The following RASAL2 variants were observed in gnomAD, a reference collection of about 807,000 sequenced individuals.
RASAL2 encodes the protein ras GTPase-activating protein nGAP.
RASAL2 carries 58 observed loss-of-function variants against 128.9 expected under a neutral mutation model. That is an observed-to-expected ratio of 0.45 (90% CI 0.36 to 0.56). RASAL2 has a LOEUF of 0.56. Among genes scored for constraint, RASAL2 ranks in the 20% least tolerant of loss-of-function variants. The probability of loss-of-function intolerance (pLI) is 0.00; values close to 1 mark genes in which losing one functional copy is unlikely to be tolerated. For synonymous variants in RASAL2, 561 were observed against 580.8 expected (o/e 0.97, Z 0.49); for missense variants, 1,360 against 1,601.6 (o/e 0.85, Z 2.57).
intron 1 of RASAL2, among the ~76,000 whole-genome samples, chr1:178,118,143 G>GT (rs1419578047): frequency 6.6e-6 from 1 of 150,432 alleles, no homozygotes; most frequent in Non-Finnish European, 1.5e-5. Flanking sequence ...AGCCTGAGCA[G>GT]TAAGAACGAG....
chr1:178,314,205 A>T (rs930846710), intron 3 of RASAL2, among the ~76,000 whole-genome samples: 5 of 152,240 alleles, frequency 3.3e-5, no homozygotes, highest in Admixed American at 6.5e-5. Flanking sequence ...TCACGTGAGA[A>T]GATCCAAAAG....
At chr1:178,399,116 G>A (rs1230708751) in intron 4 of RASAL2, among the ~76,000 whole-genome samples, 3 of 152,180 alleles carry the variant, frequency 2.0e-5, no homozygotes, top group Admixed American at 2.0e-4. Flanking sequence ...ACCTCCTGCT[G>A]CCTCCCTGGA....
intron 1 of RASAL2, among the ~76,000 whole-genome samples, chr1:178,276,149 T>C (rs1294388548): frequency 6.6e-6 from 1 of 152,182 alleles, no homozygotes; most frequent in East Asian, 1.9e-4. Flanking sequence ...TGAACTATAA[T>C]ATAATTTGCC....
chr1:178,412,844 C>T (rs140666793), intron 4 of RASAL2, among the ~76,000 whole-genome samples: 204 of 152,172 alleles, frequency 1.3e-3, no homozygotes, highest in African/African-American at 4.7e-3. Flanking sequence ...AAAATTTTAC[C>T]TCCTAGAGTC....
intron 3 of RASAL2, among the ~76,000 whole-genome samples, chr1:178,310,222 A>G (rs1668176970): frequency 6.6e-6 from 1 of 152,220 alleles, no homozygotes; most frequent in Non-Finnish European, 1.5e-5. Flanking sequence ...TGCATAAGGA[A>G]ACACAGATTT....
At chr1:178,288,736 C>T (rs1190709425) in intron 2 of RASAL2, among the ~76,000 whole-genome samples, 2 of 149,266 alleles carry the variant, frequency 1.3e-5, no homozygotes, top group Admixed American at 1.3e-4. Flanking sequence ...CTGCAATCTC[C>T]GCCTCCTGGG....
At chr1:178,096,497 A>AG (rs1658691360) in intron 1 of RASAL2, among the ~76,000 whole-genome samples, 1 of 151,676 alleles carries the variant, frequency 6.6e-6, no homozygotes, top group African/African-American at 2.4e-5. Context: ...TAAGAGAGAG[A>AG]GAGAGTGAGA....
chr1:178,273,527 A>T (rs1285604005), intron 1 of RASAL2, among the ~76,000 whole-genome samples: 1 of 152,246 alleles, frequency 6.6e-6, no homozygotes, highest in Non-Finnish European at 1.5e-5. Context: ...CCAAATGTTA[A>T]ACAATTTTGT....
In RASAL2 at chr1:178,310,775, A is replaced by G. The variant is rs537874268; in HGVS notation, c.457+10657A>G. 4.6e-5 allele frequency among the ~76,000 whole-genome samples: 7 copies of G among 152,282 alleles called. No individual in the cohort carries two copies. The South Asian group carries it at 6.2e-4, about 14-fold the overall frequency. On this transcript the variant is annotated intron_variant, in intron 3 of 17. Transcript: ENST00000367649. ...TTATGGTTGCTCAAACTGTTACCCAATTACCTGTCACTTGTTATCGCTGAT... is the reference window on the plus strand; with the variant it reads ...TTATGGTTGCTCAAACTGTTACCCAGTTACCTGTCACTTGTTATCGCTGAT...
chr1:178,343,902 T>C (rs1670010745), intron 3 of RASAL2, among the ~76,000 whole-genome samples: 1 of 152,128 alleles, frequency 6.6e-6, no homozygotes, highest in Non-Finnish European at 1.5e-5. Flanking sequence ...TGGGATTCAT[T>C]TGATAATTTA....
chr1:178,160,185 CAAAAGAA>C (rs1362377880), intron 1 of RASAL2, among the ~76,000 whole-genome samples: 2 of 149,860 alleles, frequency 1.3e-5, no homozygotes. Context: ...AGAACTAGTA[CAAAAGAA>C]AAAAGAAACA....
intron 1 of RASAL2, among the ~76,000 whole-genome samples, chr1:178,279,815 TG>T (rs1391244284): frequency 1.3e-5 from 2 of 152,266 alleles, no homozygotes; most frequent in African/African-American, 4.8e-5. Flanking sequence ...ACTTTGAGCT[TG>T]GCAGCTTCCC....
At chr1:178,327,150 A>G (rs2102355000) in intron 3 of RASAL2, among the ~76,000 whole-genome samples, 1 of 152,298 alleles carries the variant, frequency 6.6e-6, no homozygotes, top group Non-Finnish European at 1.5e-5. Context: ...ATGTGTGTAT[A>G]TACAAATTTA....
chr1:178,185,926 C>A lies in RASAL2; in HGVS notation c.202+91232C>A, dbSNP rs561294879. 1.5e-3 allele frequency among the ~76,000 whole-genome samples: 233 copies of A among 152,162 alleles called. 1 individual carries two copies. Among genetic ancestry groups the A allele is most frequent in the African/African-American group, 5.4e-3 (223 of 41,550 alleles). On this transcript the variant is annotated intron_variant, in intron 1 of 17. Transcript: ENST00000367649. The stretch of plus-strand genomic sequence containing the variant: ...GATTGAATTAGGAGTGTTCCATCTA[C>A]TTCTGTTTTCTGGAAGAGATTGTGG...
intron 1 of RASAL2, among the ~76,000 whole-genome samples, chr1:178,132,025 C>A (rs1223941852): frequency 2.0e-5 from 3 of 151,694 alleles, no homozygotes; most frequent in Non-Finnish European, 4.4e-5. Context: ...TTCCTCCCTT[C>A]CCCTCCTTCT....
intron 1 of RASAL2, among the ~76,000 whole-genome samples, chr1:178,230,662 G>A (rs1229181496): frequency 6.6e-6 from 1 of 152,174 alleles, no homozygotes; most frequent in Non-Finnish European, 1.5e-5. Context: ...GGCAGAAGAG[G>A]AGATCGAGGC....
intron 1 of RASAL2, among the ~76,000 whole-genome samples, chr1:178,129,039 T>A (rs565980030): frequency 6.4e-4 from 97 of 152,270 alleles, no homozygotes; most frequent in Non-Finnish European, 1.2e-3. Context: ...TTTTATATAG[T>A]ATGAACATAC....
chr1:178,351,850 A>G (rs1670529046), intron 3 of RASAL2, among the ~76,000 whole-genome samples: 1 of 152,200 alleles, frequency 6.6e-6, no homozygotes, highest in Non-Finnish European at 1.5e-5. Flanking sequence ...CAGAGCAGCC[A>G]TTAGCCCTTT....
At position 178,183,030 on chromosome 1, in the gene RASAL2, C is replaced by T. The variant is rs1358383031; in HGVS notation, c.202+88336C>T. 2.6e-5 allele frequency among the ~76,000 whole-genome samples: 4 copies of T among 152,160 alleles called. No homozygotes were observed. In the East Asian group the frequency reaches 7.7e-4, roughly 29 times the overall value. On this transcript the variant is annotated intron_variant, in intron 1 of 17. Transcript: ENST00000367649. ...CACTGATCTGACAGGAGGTGCAGCT[C>T]AGGCAGTAATGCTCACTCACCCACC...
Sources: allele counts gnomAD v4.1 joint callset (sites outside exome capture counted in the v4.1 genomes callset), GRCh38; gene constraint gnomAD v4.1.1; transcripts MANE v1.5; gene names NCBI Gene and HGNC (gene_info 2026-07-23, HGNC 2026-07-21).